Variants in CCDC180 observed in about 807,000 individuals in gnomAD.
The protein encoded by CCDC180 is coiled-coil domain containing 180.
CCDC180 carries 154 observed loss-of-function variants against 209.2 expected under a neutral mutation model. That is an observed-to-expected ratio of 0.74 (90% CI 0.65 to 0.84). The LOEUF is 0.84. CCDC180 is among the 40% of genes least tolerant of loss of function. The probability of loss-of-function intolerance (pLI) is 0.00; values close to 1 mark genes in which losing one functional copy is unlikely to be tolerated. For synonymous variants in CCDC180, 778 were observed against 749.1 expected, an observed-to-expected ratio of 1.04 and a Z score of -0.63; for missense variants, 1,874 against 1,997.3, an observed-to-expected ratio of 0.94 and a Z score of 1.18.
chr9:97,347,559 C>A, intron 20 of CCDC180, 70 bp downstream of exon 20: 1 of 1,415,304 alleles, frequency 7.1e-7, no homozygotes, highest in Non-Finnish European at 9.5e-7. Flanking sequence ...CACCGCGGCT[C>A]CATGTTCATT....
Position 97,374,642 on chromosome 9 carries a change from G to C in CCDC180, c.4700G>C (p.Gly1567Ala). ...EESEKPLIER[G>A]SRKWPGIKPT... Reference sequence around the variant, plus strand: ...AGTGAGAAACCCCTGATTGAACGTGGAAGCAGGTGAGAACCAAGAGCAGCA... The same window carrying C: ...AGTGAGAAACCCCTGATTGAACGTGCAAGCAGGTGAGAACCAAGAGCAGCA... Residue 1567 changes from glycine (G) to alanine (A), a missense_variant, in exon 35 of 37, where the codon GGA (glycine) becomes GCA (alanine). Physicochemically the swap from Gly to Ala is moderately conservative, Grantham distance 60. Coordinates refer to ENST00000529487, the MANE Select transcript of CCDC180 (RefSeq NM_020893.6). The C allele has an allele frequency of 1.2e-6, 2 of 1,613,594 alleles. No individual in the cohort carries two copies. The highest frequency in any genetic ancestry group is 1.7e-6 in the Non-Finnish European group (2 of 1,179,592).
rs1170302406 is a variant in CCDC180 at position 97,331,602 on chromosome 9, TA to T, written c.2274+836del. Among the ~76,000 whole-genome samples the T allele has an allele frequency of 3.3e-5, 5 of 152,212 alleles. No individual in the cohort carries two copies. In the East Asian group the frequency reaches 9.6e-4, roughly 29 times the overall value. On this transcript the variant is annotated intron_variant, in intron 18 of 36. Coordinates refer to ENST00000529487, the MANE Select transcript of CCDC180 (RefSeq NM_020893.6). ...TTTTAATAATATTCATTCTGACTGTTATGAGATGGTATCTCATTGTGGTTTT... is the reference window on the plus strand; with the variant it reads ...TTTTAATAATATTCATTCTGACTGTTTGAGATGGTATCTCATTGTGGTTTT...
At chr9:97,342,495 G>T (rs1408480460) in intron 18 of CCDC180, among the ~76,000 whole-genome samples, 2 of 152,264 alleles carry the variant, frequency 1.3e-5, no homozygotes, top group East Asian at 3.9e-4. Flanking sequence ...GCCCAGGCTG[G>T]TCTCGAACTC....
chr9:97,362,581 G>A, intron 28 of CCDC180, 140 bp downstream of exon 28: 1 of 1,269,842 alleles, frequency 7.9e-7, no homozygotes, highest in Admixed American at 2.7e-5. Context: ...GGGGCGCAGT[G>A]AGGGGTGAGC....
rs147680830 is a variant in CCDC180, at chr9:97,370,049, C to T, written c.4317C>T (p.Phe1439=). ...FTSVKEIRGQ[F]EEQQKRLEKR... ...CTGTGAAGGAGATCCGAGGACAGTT[C>T]GAGGAACAGCAGAAGCGGCTGGAGA... is the stretch of plus-strand genomic sequence containing the variant. The change falls in exon 32 of 37, where the codon TTC becomes TTT. Residue 1439 remains phenylalanine, a synonymous_variant. Coordinates refer to ENST00000529487, the MANE Select transcript of CCDC180 (RefSeq NM_020893.6). 285 of 1,614,040 alleles carry T rather than the reference C, an allele frequency of 1.8e-4. 2 individuals carry two copies. In the African/African-American group the frequency reaches 2.9e-3, roughly 17 times the overall value.
chr9:97,366,460 G>T lies in CCDC180; in HGVS notation c.4048-99G>T, dbSNP rs1799746585. On this transcript the variant is annotated intron_variant, in intron 30 of 36. Coordinates refer to ENST00000529487, the MANE Select transcript of CCDC180 (RefSeq NM_020893.6). This position sits in a 1 kb window ranked among gnomAD's most constrained non-coding sequence, Gnocchi z 4.3. ...TCCACAGGGGATGCCACGAGCAAAG[G>T]CTAGGGAGTGTGGAGGTGAGGGCAG... 2 of 1,262,958 alleles carry T rather than the reference G, an allele frequency of 1.6e-6. No individual in the cohort carries two copies. Among genetic ancestry groups the T allele is most frequent in the Non-Finnish European group, 1.1e-6 (1 of 897,058 alleles). The allele number at this position is 1,262,958 out of a possible 1,614,324, so 78.2% of individuals were successfully genotyped here.
Position 97,354,446 on chromosome 9 carries a change from T to C in CCDC180, c.3003-123T>C. The C allele has an allele frequency of 7.4e-6, 7 of 944,640 alleles. No homozygotes were observed. The South Asian group carries it at 9.8e-5, about 13-fold the overall frequency. 58.5% of individuals were successfully genotyped at this position (944,640 alleles called of 1,614,324 possible). A position where few individuals can be genotyped will look rare whatever the true frequency, so the allele number is the denominator to read the frequency against. On this transcript the variant is annotated intron_variant, in intron 22 of 36. Coordinates refer to ENST00000529487, the MANE Select transcript of CCDC180 (RefSeq NM_020893.6). ...TGTCCTTAAGCTATCTGTGTTCATT[T>C]TCCCACATCTTGAACTCTAACCGGA...
intron 18 of CCDC180, among the ~76,000 whole-genome samples, chr9:97,339,319 T>G (rs566203384): frequency 1.5e-4 from 23 of 152,350 alleles, no homozygotes; most frequent in Admixed American, 1.4e-3. Flanking sequence ...TCCATTTTAG[T>G]GCTTCCTTCA....
At chr9:97,322,468 A>G (rs1367775357) in intron 11 of CCDC180, among the ~76,000 whole-genome samples, 2 of 152,260 alleles carry the variant, frequency 1.3e-5, no homozygotes, top group Admixed American at 6.5e-5. Flanking sequence ...CTGCTAGTGC[A>G]TTCCGTTTTT....
At chr9:97,312,790 G>C (rs1833032583) in intron 4 of CCDC180, among the ~76,000 whole-genome samples, 1 of 149,040 alleles carries the variant, frequency 6.7e-6, no homozygotes. Context: ...AAGTGGCCCA[G>C]ATCCCTGCTC....
intron 8 of CCDC180, 70 bp from the exon 9 acceptor site, chr9:97,316,995 C>G: frequency 6.9e-7 from 1 of 1,454,416 alleles, no homozygotes; most frequent in Non-Finnish European, 9.3e-7. Flanking sequence ...CTGCTCCTCT[C>G]TAACTGAGCC....
At chr9:97,330,244 G>C in intron 17 of CCDC180, 51 bp downstream of exon 17, 1 of 1,611,248 alleles carries the variant, frequency 6.2e-7, no homozygotes, top group Non-Finnish European at 8.5e-7. Flanking sequence ...ACTCTTACGC[G>C]TTTGTGGGTT....
intron 1 of CCDC180, 86 bp downstream of exon 1, chr9:97,307,892 G>A: frequency 6.3e-7 from 1 of 1,597,748 alleles, no homozygotes; most frequent in Non-Finnish European, 8.5e-7. Flanking sequence ...CCTTCCCCGG[G>A]GAGTCCTGCC....
Position 97,355,001 on chromosome 9 carries a change from AGTGCCAG to A in CCDC180, c.3260_3264+2del. 3 of 1,598,178 alleles carry A rather than the reference AGTGCCAG, an allele frequency of 1.9e-6. No homozygotes were observed. In the South Asian group the frequency reaches 3.3e-5, roughly 18 times the overall value. On this transcript the variant is annotated frameshift_variant and splice_region_variant, in exon 24 of 37. Transcript: ENST00000529487. LOFTEE classifies it high-confidence loss of function. Reference sequence around the variant, plus strand: ...CTGACGAATCTGCAAGTGAAAATCAAGTGCCAGGTAGGATAGATTCATTCTTCATCAA... The same window carrying A: ...CTGACGAATCTGCAAGTGAAAATCAAGTAGGATAGATTCATTCTTCATCAA...
At chr9:97,339,446 A>G (rs1013468597) in intron 18 of CCDC180, among the ~76,000 whole-genome samples, 3 of 152,146 alleles carry the variant, frequency 2.0e-5, no homozygotes, top group African/African-American at 4.8e-5. Context: ...TGAAATTCTG[A>G]GTTGAAAATT....
chr9:97,365,511 G>A, intron 29 of CCDC180, 162 bp from the exon 30 acceptor site: 1 of 654,940 alleles, frequency 1.5e-6, no homozygotes, highest in South Asian at 1.8e-5. Flanking sequence ...CTGCTGTTAT[G>A]GAGTGGAATC....
At chr9:97,341,226 G>A (rs1268964479) in intron 18 of CCDC180, among the ~76,000 whole-genome samples, 1 of 152,020 alleles carries the variant, frequency 6.6e-6, no homozygotes, top group African/African-American at 2.4e-5. Flanking sequence ...AGACATTCAG[G>A]GCCACTACCG....
intron 22 of CCDC180, 133 bp downstream of exon 22, chr9:97,350,688 G>A (rs1826399014): frequency 2.1e-6 from 2 of 967,256 alleles, no homozygotes; most frequent in South Asian, 3.4e-5. Context: ...CCATTTTTAG[G>A]TGCACAGATC....
At chr9:97,325,306 T>C (rs1308319882) in intron 14 of CCDC180, 114 bp downstream of exon 14, 2 of 1,120,244 alleles carry the variant, frequency 1.8e-6, no homozygotes, top group East Asian at 5.2e-5. Flanking sequence ...GATGGGGACA[T>C]TGAGGCTCAC....
Sources: allele counts gnomAD v4.1 joint callset (sites outside exome capture counted in the v4.1 genomes callset), GRCh38; gene constraint gnomAD v4.1.1; non-coding constraint Gnocchi (gnomAD v3.1); transcripts MANE v1.5; gene names NCBI Gene and HGNC (gene_info 2026-07-23, HGNC 2026-07-21).